The following RPS6KA2 variants were observed in gnomAD, a reference collection of about 807,000 sequenced individuals.
RPS6KA2 encodes the protein ribosomal protein S6 kinase A2, also known as ribosomal protein S6 kinase alpha-2.
RPS6KA2 carries 42 observed loss-of-function variants against 91.8 expected under a neutral mutation model. The ratio of observed to expected loss-of-function variants is 0.46; its 90% CI spans 0.36 to 0.59. The LOEUF (loss-of-function observed/expected upper bound fraction) is 0.59, where lower values mean the gene tolerates loss of function less well. RPS6KA2 is among the 20% of genes least tolerant of loss of function. RPS6KA2 has a pLI of 0.00. For synonymous variants in RPS6KA2, 414 were observed against 393.6 expected, an observed-to-expected ratio of 1.05 and a Z score of -0.61; for missense variants, 798 against 978.5, an observed-to-expected ratio of 0.82 and a Z score of 2.46.
At position 166,722,391 on chromosome 6, in the gene RPS6KA2, G is replaced by A. The variant is rs144156956; in HGVS notation, c.123+135809C>T. ...AAAGTGATGGAAAAATGGAGGAGCC[G>A]CAGGGGGTGGGAGGCACAGAGGGCT... On this transcript the variant is annotated intron_variant, in intron 2 of 21. Coordinates refer to the RPS6KA2 transcript ENST00000503859. 1.2e-4 allele frequency among the ~76,000 whole-genome samples: 18 copies of A among 152,350 alleles called. No homozygotes were observed. In the East Asian group the frequency reaches 1.7e-3, roughly 15 times the overall value.
chr6:166,475,849 G>A (rs760767404), intron 10 of RPS6KA2: 2 of 517,538 alleles, frequency 3.9e-6, no homozygotes, highest in African/African-American at 2.0e-5. Context: ...CCTGCAGAGT[G>A]TAAGAGAGGA....
At chr6:166,579,129 G>A (rs1317778887) in intron 1 of RPS6KA2, among the ~76,000 whole-genome samples, 2 of 152,194 alleles carry the variant, frequency 1.3e-5, no homozygotes, top group African/African-American at 4.8e-5. Context: ...GCCACCGCCT[G>A]GCCGTATCTG....
chr6:166,812,189 C>T (rs2128620688), intron 2 of RPS6KA2, among the ~76,000 whole-genome samples: 2 of 152,174 alleles, frequency 1.3e-5, no homozygotes, highest in South Asian at 4.1e-4. Flanking sequence ...AACCCTGTCT[C>T]TACTAAAAAT....
In RPS6KA2 at chr6:166,500,586, C is replaced by T. The variant is rs546637903; in HGVS notation, c.604+301G>A. On this transcript the variant is annotated intron_variant, in intron 7 of 20. Transcript: ENST00000265678. This position sits in a 1 kb window ranked among gnomAD's most constrained non-coding sequence, Gnocchi z 4.3. ...AGACTCCAGATGTCTGCACTAAGGT[C>T]AGCACTGGGCACTGGGACTCCTGAA... Among the ~76,000 whole-genome samples the T allele has an allele frequency of 6.6e-6, 1 of 152,296 alleles. No individual in the cohort carries two copies. The highest frequency in any genetic ancestry group is 6.5e-5 in the Admixed American group (1 of 15,304).
chr6:166,690,847 A>G (rs910606957), intron 2 of RPS6KA2, among the ~76,000 whole-genome samples: 5 of 152,138 alleles, frequency 3.3e-5, no homozygotes, highest in African/African-American at 9.7e-5. Context: ...GAAATCTCTG[A>G]CCACGGAGAC....
In RPS6KA2 at chr6:166,448,038, T is replaced by G. The variant is rs1779735437; in HGVS notation, c.1332+686A>C. Among the ~76,000 whole-genome samples, 1 of 152,178 alleles carries G rather than the reference T, an allele frequency of 6.6e-6. No homozygotes were observed. The highest frequency in any genetic ancestry group is 2.4e-5 in the African/African-American group (1 of 41,430). On this transcript the variant is annotated intron_variant, in intron 14 of 20. Transcript: ENST00000265678. The surrounding 1 kb of genome is among the most constrained non-coding windows in gnomAD (Gnocchi z 4.7). ...TTACTAACCAAAAATCTCTAGAAAC[T>G]GGTATTCTGGATTCCCAGATCAAAT...
chr6:166,716,305 GA>G (rs1790011204), intron 2 of RPS6KA2, among the ~76,000 whole-genome samples: 1 of 152,156 alleles, frequency 6.6e-6, no homozygotes, highest in African/African-American at 2.4e-5. Context: ...GGACATTTAA[GA>G]AAAACAGAAA....
chr6:166,858,333 A>G (rs927320990), intron 1 of RPS6KA2: 8 of 786,494 alleles, frequency 1.0e-5, no homozygotes, highest in Admixed American at 2.4e-5. Context: ...CAGGTTACCA[A>G]TATGAAAAAG....
At chr6:166,829,987 G>C (rs188101413) in intron 2 of RPS6KA2, among the ~76,000 whole-genome samples, 3 of 151,622 alleles carry the variant, frequency 2.0e-5, no homozygotes, top group Non-Finnish European at 4.4e-5. Context: ...CTATCTGGGC[G>C]TAGTGGTGGG....
chr6:166,681,153 G>C (rs962235446), intron 2 of RPS6KA2, among the ~76,000 whole-genome samples: 1 of 152,206 alleles, frequency 6.6e-6, no homozygotes, highest in Non-Finnish European at 1.5e-5. Flanking sequence ...GCCACAACGT[G>C]TCCACCCCAC....
intron 2 of RPS6KA2, among the ~76,000 whole-genome samples, chr6:166,723,031 A>G (rs565796130): frequency 2.0e-5 from 3 of 152,336 alleles, no homozygotes; most frequent in Admixed American, 2.0e-4. Flanking sequence ...GGACTTAGAG[A>G]AAAAGCTCTG....
chr6:166,432,016 A>AT (rs1345960292), intron 15 of RPS6KA2, among the ~76,000 whole-genome samples: 1 of 152,196 alleles, frequency 6.6e-6, no homozygotes, highest in Non-Finnish European at 1.5e-5. Context: ...GGTAGGCCCA[A>AT]TATCCTGTGA....
rs1791126180 is a variant in RPS6KA2, at chr6:166,748,638, AT to A, written c.123+109561del. Among the ~76,000 whole-genome samples the A allele has an allele frequency of 1.3e-3, 81 of 64,236 alleles. 1 individual carries two copies. Among genetic ancestry groups the A allele is most frequent in the Middle Eastern group, 9.4e-3 (1 of 106 alleles). 42.1% of individuals were successfully genotyped at this position (64,236 alleles called of 152,430 possible). A position where few individuals can be genotyped will look rare whatever the true frequency, so the allele number is the denominator to read the frequency against. On this transcript the variant is annotated intron_variant, in intron 2 of 21. Transcript: ENST00000503859. ...TGGGCCCCCACCTCCTCAGGCCCCC[AT>A]CCCCTTGGGCCCCCACCTCCTCAGG...
At chr6:166,431,817 TG>T (rs1779141378) in intron 15 of RPS6KA2, among the ~76,000 whole-genome samples, 1 of 152,002 alleles carries the variant, frequency 6.6e-6, no homozygotes, top group South Asian at 2.1e-4. Flanking sequence ...GGTTTCACCA[TG>T]TTGACCAGGC....
chr6:166,632,524 A>T (rs1274482667), intron 2 of RPS6KA2, among the ~76,000 whole-genome samples: 1 of 152,014 alleles, frequency 6.6e-6, no homozygotes, highest in African/African-American at 2.4e-5. Context: ...AGGCAGGAGC[A>T]TCCCTTGAAC....
intron 2 of RPS6KA2, among the ~76,000 whole-genome samples, chr6:166,728,905 G>A (rs960065076): frequency 6.6e-6 from 1 of 152,178 alleles, no homozygotes; most frequent in African/African-American, 2.4e-5. Flanking sequence ...CAACCTGTGA[G>A]GTGTAGCTGC....
Position 166,817,402 on chromosome 6 carries a change from A to AACAC in RPS6KA2, c.123+40794_123+40797dup, listed in dbSNP as rs5881717. ...ACAAAGAAACACACACACGCATGTA[A>AACAC]ACACACACACACACACACCCTAAAC... On this transcript the variant is annotated intron_variant, in intron 2 of 21. Transcript: ENST00000503859. Among the ~76,000 whole-genome samples, 445 of 151,286 alleles carry AACAC rather than the reference A, an allele frequency of 2.9e-3. 6 individuals carry two copies. Among genetic ancestry groups the AACAC allele is most frequent in the Non-Finnish European group, 4.5e-3 (305 of 67,730 alleles).
intron 1 of RPS6KA2, among the ~76,000 whole-genome samples, chr6:166,583,330 G>A (rs1229231751): frequency 6.6e-6 from 1 of 152,028 alleles, no homozygotes; most frequent in Non-Finnish European, 1.5e-5. Flanking sequence ...GGCCTTCTTG[G>A]GGCAAACCAC....
intron 1 of RPS6KA2, among the ~76,000 whole-genome samples, chr6:166,562,242 T>C (rs1784367511): frequency 6.6e-6 from 1 of 152,204 alleles, no homozygotes; most frequent in Admixed American, 6.5e-5. Context: ...GGAGAGCTGC[T>C]TAGTCTCCTG....
Sources: gnomAD v4.1 joint callset for allele counts (sites outside exome capture counted in the v4.1 genomes callset) on GRCh38, gnomAD v4.1.1 for gene constraint, Gnocchi (gnomAD v3.1) non-coding constraint, MANE v1.5 for transcripts, NCBI Gene and HGNC (gene_info 2026-07-23, HGNC 2026-07-21) for gene names.